Variants in SLC36A4 observed in about 807,000 individuals in gnomAD.
SLC36A4 encodes the protein solute carrier family 36 member 4, also known as neutral amino acid uniporter 4.
SLC36A4 carries 49 observed loss-of-function variants against 50.5 expected under a neutral mutation model. The observed-to-expected ratio is 0.97, with a 90% CI of 0.77 to 1.23. SLC36A4 has a LOEUF of 1.23. Ranked by LOEUF, SLC36A4 falls within the 50% of genes most tolerant of loss-of-function variation. SLC36A4 has a pLI of 0.00. For synonymous variants in SLC36A4, 207 were observed against 206.5 expected (o/e 1.00, Z -0.02); for missense variants, 611 against 608.4 (o/e 1.00, Z -0.05).
rs188278038 is a variant in SLC36A4 at position 93,189,989 on chromosome 11, C to T, written c.56-4175G>A. Among the ~76,000 whole-genome samples the T allele has an allele frequency of 7.2e-5, 11 of 152,088 alleles. No individual in the cohort carries two copies. The East Asian group carries it at 1.7e-3, about 24-fold the overall frequency. On this transcript the variant is annotated intron_variant, in intron 1 of 10. Transcript: ENST00000326402. ...AAATAGTATTACAATGTTCAGAATC[C>T]GAAGTAAAAATTAGTTGGGACCTCC...
chr11:93,164,803 CTTAA>C (rs779308851), intron 8 of SLC36A4, among the ~76,000 whole-genome samples: 14 of 152,062 alleles, frequency 9.2e-5, no homozygotes, highest in Non-Finnish European at 2.1e-4. Flanking sequence ...GTCAACATGC[CTTAA>C]TTATTGATTG....
chr11:93,165,609 T>C (rs1016107520), intron 8 of SLC36A4, among the ~76,000 whole-genome samples: 6 of 152,138 alleles, frequency 3.9e-5, no homozygotes, highest in African/African-American at 1.2e-4. Context: ...TAGTTCATTA[T>C]ACTACTCTCT....
chr11:93,175,934 G>A (rs1342794084), intron 6 of SLC36A4, among the ~76,000 whole-genome samples: 2 of 132,136 alleles, frequency 1.5e-5, no homozygotes, highest in African/African-American at 5.8e-5. Flanking sequence ...GTTGATTTGG[G>A]GTGGAGAGTT....
chr11:93,155,504 TTAATATA>T (rs1193487237), intron 9 of SLC36A4: 1 of 152,136 alleles, frequency 6.6e-6, no homozygotes, highest in African/African-American at 2.4e-5. Flanking sequence ...ATAAATGTAC[TTAATATA>T]TAAGTATATA....
chr11:93,184,334 C>T (rs1002773083), intron 3 of SLC36A4, 96 bp downstream of exon 3: 25 of 767,756 alleles, frequency 3.3e-5, no homozygotes, highest in Non-Finnish European at 5.4e-5. Flanking sequence ...CTAAATGTCA[C>T]CTTACCAGGT....
rs1481602425 is a variant in SLC36A4 at position 93,144,487 on chromosome 11, T to C, written c.*4050A>G. 6.6e-6 allele frequency: 1 copy of C among 152,054 alleles called. No homozygotes were observed. Among genetic ancestry groups the C allele is most frequent in the Non-Finnish European group, 1.5e-5 (1 of 67,972 alleles). 9.4% of individuals were successfully genotyped at this position (152,054 alleles called of 1,614,324 possible). On this transcript the variant is annotated 3_prime_UTR_variant, in exon 11 of 11. Coordinates refer to ENST00000326402, the MANE Select transcript of SLC36A4 (RefSeq NM_152313.4). ...AGTATTAGTATCTAGTTCACATAGATTACTGATTTGTGTGTGTGTCTGCAT... is the reference window on the plus strand; with the variant it reads ...AGTATTAGTATCTAGTTCACATAGACTACTGATTTGTGTGTGTGTCTGCAT...
chr11:93,164,380 T>A (rs1442906827), intron 8 of SLC36A4, among the ~76,000 whole-genome samples: 1 of 152,186 alleles, frequency 6.6e-6, no homozygotes. Context: ...ATTGTAACCA[T>A]AAAATTAGGC....
chr11:93,154,626 C>T (rs1174469387), intron 9 of SLC36A4: 1 of 153,472 alleles, frequency 6.5e-6, no homozygotes, highest in Non-Finnish European at 1.4e-5. Flanking sequence ...ACTGAGCCTA[C>T]TATATGTCTT....
chr11:93,150,262 G>A (rs1369922719), intron 10 of SLC36A4, among the ~76,000 whole-genome samples: 1 of 151,992 alleles, frequency 6.6e-6, no homozygotes, highest in African/African-American at 2.4e-5. Context: ...CCTCTTTGGG[G>A]ACTCCAATTA....
At chr11:93,167,142 A>G (rs1327134752) in intron 7 of SLC36A4, 1 of 152,130 alleles carries the variant, frequency 6.6e-6, no homozygotes, top group Non-Finnish European at 1.5e-5. Flanking sequence ...ACTTTTGAAA[A>G]TCAAAGAGGA....
rs558499770 is a variant in SLC36A4 at position 93,194,228 on chromosome 11, T to TA, written c.55+3549dup. On this transcript the variant is annotated intron_variant, in intron 1 of 10. Coordinates refer to ENST00000326402, the MANE Select transcript of SLC36A4 (RefSeq NM_152313.4). ...TGGAAAATGTAAAAAAATATAAAAA[T>TA]AAAAAAAATTTAAAAAAGTAGTTGT... Among the ~76,000 whole-genome samples the TA allele has an allele frequency of 4.2e-3, 635 of 151,822 alleles. 3 individuals carry two copies. Among genetic ancestry groups the TA allele is most frequent in the African/African-American group, 0.015 (620 of 41,448 alleles).
chr11:93,146,489 A>G lies in SLC36A4; in HGVS notation c.*2048T>C, dbSNP rs1055830502. On this transcript the variant is annotated 3_prime_UTR_variant, in exon 11 of 11. Coordinates refer to ENST00000326402, the MANE Select transcript of SLC36A4 (RefSeq NM_152313.4). ...AACAGAATTGATATAAAAGTATCTC[A>G]AACAATTACTGTTGATACCTAATGT... 22 of 152,152 alleles carry G rather than the reference A, an allele frequency of 1.4e-4. No individual in the cohort carries two copies. Among genetic ancestry groups the G allele is most frequent in the African/African-American group, 5.1e-4 (21 of 41,582 alleles). 9.4% of individuals were successfully genotyped at this position (152,152 alleles called of 1,614,324 possible). A position where few individuals can be genotyped will look rare whatever the true frequency, so the allele number is the denominator to read the frequency against.
intron 6 of SLC36A4, among the ~76,000 whole-genome samples, chr11:93,179,747 G>A (rs79061433): frequency 0.041 from 6,313 of 152,160 alleles, 185 homozygotes; most frequent in South Asian, 0.098. Flanking sequence ...TAAATCAGGG[G>A]TTAAAAAACT....
intron 8 of SLC36A4, 137 bp from the exon 9 acceptor site, chr11:93,163,012 T>A: frequency 3.2e-6 from 2 of 634,022 alleles, no homozygotes; most frequent in South Asian, 2.1e-5. Context: ...ATTGTTGAAG[T>A]ACACTTCCAT....
At chr11:93,187,413 T>C (rs1236692272) in intron 1 of SLC36A4, among the ~76,000 whole-genome samples, 3 of 152,206 alleles carry the variant, frequency 2.0e-5, no homozygotes, top group Non-Finnish European at 1.5e-5. Context: ...GCTTTAAATA[T>C]GTATTTGGTT....
rs569896918 is a variant in SLC36A4 at position 93,189,164 on chromosome 11, A to G, written c.56-3350T>C. The stretch of plus-strand genomic sequence containing the variant: ...TGCAATCTCTGCCCCGCCAAGTTCA[A>G]GCAATTCTCCTGCCTCAGCCTCCAG... On this transcript the variant is annotated intron_variant, in intron 1 of 10. Coordinates refer to ENST00000326402, the MANE Select transcript of SLC36A4 (RefSeq NM_152313.4). Among the ~76,000 whole-genome samples the G allele has an allele frequency of 9.2e-5, 14 of 151,990 alleles. No homozygotes were observed. In the South Asian group the frequency reaches 2.7e-3, roughly 29 times the overall value.
chr11:93,157,266 G>A (rs1860411088), intron 9 of SLC36A4, among the ~76,000 whole-genome samples: 1 of 152,150 alleles, frequency 6.6e-6, no homozygotes, highest in Non-Finnish European at 1.5e-5. Context: ...ATAGTTTAGA[G>A]TTGGGTAGTG....
chr11:93,161,310 A>G (rs1860607047), intron 9 of SLC36A4, among the ~76,000 whole-genome samples: 2 of 152,242 alleles, frequency 1.3e-5, no homozygotes, highest in African/African-American at 4.8e-5. Flanking sequence ...ATAATTAACT[A>G]TAAAGAGTTA....
At chr11:93,155,170 T>A (rs953241662) in intron 9 of SLC36A4, 3 of 152,036 alleles carry the variant, frequency 2.0e-5, no homozygotes, top group Admixed American at 1.3e-4. Flanking sequence ...ATGCTGTATT[T>A]AAAAAAACAT....
Sources: allele counts gnomAD v4.1 joint callset (sites outside exome capture counted in the v4.1 genomes callset), GRCh38; gene constraint gnomAD v4.1.1; transcripts MANE v1.5; gene names NCBI Gene and HGNC (gene_info 2026-07-23, HGNC 2026-07-21).